ZNF304: variants seen among roughly 807,000 people sequenced by gnomAD.
ZNF304 encodes zinc finger protein 304.
In ZNF304, 7 loss-of-function variants were observed where a neutral mutation model predicts 7.8. That is an observed-to-expected ratio of 0.90 (90% confidence interval 0.51 to 1.69). The LOEUF (loss-of-function observed/expected upper bound fraction) is 1.69, where lower values mean the gene tolerates loss of function less well. Among genes scored for constraint, ZNF304 ranks in the 40% most tolerant of loss-of-function variants. The pLI is 0.00. For missense variants in ZNF304, 669 were observed against 804.8 expected (o/e 0.83, Z 2.04); for synonymous variants, 280 against 272.4 (o/e 1.03, Z -0.27).
Position 57,357,851 on chromosome 19 carries a change from A to G in ZNF304, c.*2A>G, listed in dbSNP as rs893461817. On this transcript the variant is annotated 3_prime_UTR_variant, in exon 3 of 3. Transcript: ENST00000282286. ...GCTGCATCTCTTAAACTTGTTTAAC[A>G]CCAGAAAATTCACACAAGAGAAAGG... is the stretch of plus-strand genomic sequence containing the variant. The G allele has an allele frequency of 6.3e-6, 10 of 1,580,850 alleles. No individual in the cohort carries two copies. The highest frequency in any genetic ancestry group is 1.2e-5 in the South Asian group (1 of 85,384).
At position 57,356,967 on chromosome 19, in the gene ZNF304, C is replaced by CG; in HGVS notation, c.1098_1099insG (p.Lys367GlufsTer7). 1 of 1,604,612 alleles carries CG rather than the reference C, an allele frequency of 6.2e-7. No individual in the cohort carries two copies. The highest frequency in any genetic ancestry group is 8.5e-7 in the Non-Finnish European group (1 of 1,172,674). On this transcript the variant is annotated frameshift_variant, in exon 3 of 3. Coordinates refer to ENST00000282286, the MANE Select transcript of ZNF304 (RefSeq NM_020657.4). LOFTEE classifies it low-confidence loss of function (END_TRUNC). ...CAGGAGAAAGGCCTTATAAGTGCAA[C>CG]AAATGTGGGAAAGCCTTTAGCCGTA...
intron 1 of ZNF304, 127 bp from the exon 2 acceptor site, chr19:57,353,598 T>C (rs1322014087): frequency 2.2e-6 from 3 of 1,346,426 alleles, no homozygotes; most frequent in Non-Finnish European, 2.0e-6. Context: ...AGGTCTGTTA[T>C]CTCCTCTTAG....
Position 57,359,133 on chromosome 19 carries a change from A to G in ZNF304, c.*1284A>G, listed in dbSNP as rs1209115298. 2 of 152,242 alleles carry G rather than the reference A, an allele frequency of 1.3e-5. No homozygotes were observed. The allele number at this position is 152,242 out of a possible 1,614,324, so 9.4% of individuals were successfully genotyped here. On this transcript the variant is annotated 3_prime_UTR_variant, in exon 3 of 3. Transcript: ENST00000282286. Reference sequence around the variant, plus strand: ...ATCTGTATCTCCTGTGGCCAAGGCCACTGTCAGAGGAAATAATCTAAATGT... The same window carrying G: ...ATCTGTATCTCCTGTGGCCAAGGCCGCTGTCAGAGGAAATAATCTAAATGT...
rs1171001779 is a variant in ZNF304, at chr19:57,356,722, G to A, written c.853G>A (p.Gly285Arg). 8.7e-6 allele frequency: 14 copies of A among 1,614,178 alleles called. No homozygotes were observed. Among genetic ancestry groups the A allele is most frequent in the Admixed American group, 1.7e-5 (1 of 60,020 alleles). The change falls in exon 3 of 3, where the codon GGA becomes AGA. Residue 285 changes from glycine to arginine, a missense_variant. By Grantham distance (125) the Gly-to-Arg change is moderately radical. Coordinates refer to ENST00000282286, the MANE Select transcript of ZNF304 (RefSeq NM_020657.4). The part of the protein sequence containing the change: ...GEISHVCKEC[G>R]KAFIHLHHLK... ...AATATCTCATGTGTGTAAGGAGTGTGGAAAAGCCTTCATTCACTTGCACCA... is the reference window on the plus strand; with the variant it reads ...AATATCTCATGTGTGTAAGGAGTGTAGAAAAGCCTTCATTCACTTGCACCA...
chr19:57,354,694 CA>C (rs1033744942), intron 2 of ZNF304, among the ~76,000 whole-genome samples: 1 of 152,200 alleles, frequency 6.6e-6, no homozygotes, highest in African/African-American at 2.4e-5. Context: ...GAGGCTTACA[CA>C]GGGGCAAGAG....
Position 57,357,889 on chromosome 19 carries a change from A to C in ZNF304, c.*40A>C. On this transcript the variant is annotated 3_prime_UTR_variant, in exon 3 of 3. Transcript: ENST00000282286. ...CACAAGAGAAAGGCCTTATGAATGCAGAAAATATGTCATCTTGTTCATCCT... is the reference window on the plus strand; with the variant it reads ...CACAAGAGAAAGGCCTTATGAATGCCGAAAATATGTCATCTTGTTCATCCT... 2 of 1,548,596 alleles carry C rather than the reference A, an allele frequency of 1.3e-6. No homozygotes were observed. Among genetic ancestry groups the C allele is most frequent in the Non-Finnish European group, 1.7e-6 (2 of 1,152,362 alleles).
In ZNF304 at chr19:57,358,246, C is replaced by A. The variant is rs780236398; in HGVS notation, c.*397C>A. 34 of 144,362 alleles carry A rather than the reference C, an allele frequency of 2.4e-4. No homozygotes were observed. The East Asian group carries it at 5.4e-3, about 23-fold the overall frequency. The allele number at this position is 144,362 out of a possible 1,614,324, so 8.9% of individuals were successfully genotyped here. On this transcript the variant is annotated 3_prime_UTR_variant, in exon 3 of 3. Coordinates refer to ENST00000282286, the MANE Select transcript of ZNF304 (RefSeq NM_020657.4). ...ATATTTTCAAGGACTTCCCCCCCCC[C>A]CCACTTCACCCCCTACCATTGAGGG...
chr19:57,356,235 T>C lies in ZNF304; in HGVS notation c.366T>C (p.Cys122=). The C allele has an allele frequency of 6.2e-7, 1 of 1,614,172 alleles. No individual in the cohort carries two copies. Among genetic ancestry groups the C allele is most frequent in the South Asian group, 1.1e-5 (1 of 91,082 alleles). Residue 122 remains cysteine (C), a synonymous_variant, in exon 3 of 3, where the codon TGT becomes TGC. Transcript: ENST00000282286. ...LTQKLCTRGL[C]RRRFSFSANF... ...AGAAACTGTGCACACGTGGGCTGTG[T>C]AGGAGAAGATTCTCGTTCAGTGCAA... is the stretch of plus-strand genomic sequence containing the variant.
rs2088272505 is a variant in ZNF304 at position 57,351,464 on chromosome 19, G to GGGGCA, written c.-197_-196insAGGGC. ...GCGGCCTCTCGCGGAGGTGTCTGCC[G>GGGGCA]GGGCTGGGCTCTTACCGAGGCCTCC... On this transcript the variant is annotated 5_prime_UTR_variant, in exon 1 of 3. It introduces an in-frame stop codon into an upstream open reading frame of the 5' UTR. Transcript: ENST00000282286. The surrounding 1 kb of genome is among the most constrained non-coding windows in gnomAD (Gnocchi z 4.1). 1 of 608,866 alleles carries GGGGCA rather than the reference G, an allele frequency of 1.6e-6. No homozygotes were observed. The highest frequency in any genetic ancestry group is 1.9e-5 in the African/African-American group (1 of 53,122). The allele number at this position is 608,866 out of a possible 1,614,324, so 37.7% of individuals were successfully genotyped here. A position where few individuals can be genotyped will look rare whatever the true frequency, so the allele number is the denominator to read the frequency against.
chr19:57,356,696 A>G lies in ZNF304; in HGVS notation c.827A>G (p.Glu276Gly). The G allele has an allele frequency of 1.9e-6, 3 of 1,614,250 alleles. No homozygotes were observed. The highest frequency in any genetic ancestry group is 2.5e-6 in the Non-Finnish European group (3 of 1,180,040). ...AATCACAGAAAAATCCACAGTGGAG[A>G]AATATCTCATGTGTGTAAGGAGTGT... is the stretch of plus-strand genomic sequence containing the variant. ...LINHRKIHSG[E>G]ISHVCKECGK... The change falls in exon 3 of 3, where the codon GAA (glutamate) becomes GGA (glycine). Residue 276 changes from glutamate to glycine, a missense_variant. Coordinates refer to ENST00000282286, the MANE Select transcript of ZNF304 (RefSeq NM_020657.4).
rs1447967510 is a variant in ZNF304, at chr19:57,351,297, A to C, written c.-368A>C. 2 of 267,228 alleles carry C rather than the reference A, an allele frequency of 7.5e-6. No homozygotes were observed. Among genetic ancestry groups the C allele is most frequent in the African/African-American group, 2.3e-5 (1 of 44,298 alleles). The allele number at this position is 267,228 out of a possible 1,614,324, so 16.6% of individuals were successfully genotyped here. On this transcript the variant is annotated 5_prime_UTR_variant, in exon 1 of 3. Coordinates refer to ENST00000282286, the MANE Select transcript of ZNF304 (RefSeq NM_020657.4). This position sits in a 1 kb window ranked among gnomAD's most constrained non-coding sequence, Gnocchi z 4.1. ...TATTTTTCCTATGCCCGGTCCGTGCATTCTGGTTGTGAAGGCTGAGTTCTA... is the reference window on the plus strand; with the variant it reads ...TATTTTTCCTATGCCCGGTCCGTGCCTTCTGGTTGTGAAGGCTGAGTTCTA...
chr19:57,359,291 T>G lies in ZNF304; in HGVS notation c.*1442T>G, dbSNP rs1402426588. On this transcript the variant is annotated 3_prime_UTR_variant, in exon 3 of 3. Coordinates refer to ENST00000282286, the MANE Select transcript of ZNF304 (RefSeq NM_020657.4). ...CGAGTGACTGAGGTGGATGTGGACA[T>G]CATTGCTTACCAATTTTTACCAACA... The G allele has an allele frequency of 2.6e-5, 4 of 152,218 alleles. No individual in the cohort carries two copies. The highest frequency in any genetic ancestry group is 5.9e-5 in the Non-Finnish European group (4 of 68,046). The allele number at this position is 152,218 out of a possible 1,614,324, so 9.4% of individuals were successfully genotyped here.
In ZNF304 at chr19:57,356,419, C is replaced by T; in HGVS notation, c.550C>T (p.Gln184Ter). The T allele has an allele frequency of 6.2e-7, 1 of 1,614,158 alleles. No homozygotes were observed. The highest frequency in any genetic ancestry group is 8.5e-7 in the Non-Finnish European group (1 of 1,180,026). Residue 184 changes from glutamine (Q) to a stop codon, truncating the protein, a stop_gained, in exon 3 of 3, where the codon CAG (glutamine) becomes TAG (stop). Transcript: ENST00000282286. LOFTEE classifies it low-confidence loss of function (END_TRUNC). ...CTTACCAGATAGCTCTGGCCTTTTC[C>T]AGCACCAGACCACTTACAATAGGGT... is the stretch of plus-strand genomic sequence containing the variant. The part of the protein sequence containing the change: ...MDLPDSSGLF[Q>*]HQTTYNRVSP...
rs541326443 is a variant in ZNF304 at position 57,359,847 on chromosome 19, A to G, written c.*1998A>G. ...ACTTAATTGTTATGGATGTTTGGGT[A>G]ACTTTCAGTTTTTGGCTATTACAAA... On this transcript the variant is annotated 3_prime_UTR_variant, in exon 3 of 3. Transcript: ENST00000282286. 38 of 152,310 alleles carry G rather than the reference A, an allele frequency of 2.5e-4. No homozygotes were observed. Among genetic ancestry groups the G allele is most frequent in the African/African-American group, 8.9e-4 (37 of 41,566 alleles). The allele number at this position is 152,310 out of a possible 1,614,324, so 9.4% of individuals were successfully genotyped here.
At position 57,356,451 on chromosome 19, in the gene ZNF304, A is replaced by G. The variant is rs150772657; in HGVS notation, c.582A>G (p.Pro194=). 1,078 of 1,614,202 alleles carry G rather than the reference A, an allele frequency of 6.7e-4. No homozygotes were observed. Among genetic ancestry groups the G allele is most frequent in the Non-Finnish European group, 7.0e-4 (826 of 1,180,042 alleles). Residue 194 remains proline (P), a synonymous_variant, in exon 3 of 3, where the codon CCA becomes CCG. Transcript: ENST00000282286. ...QHQTTYNRVS[P]CRRTECMESF... ...AGACCACTTACAATAGGGTGAGTCC[A>G]TGCAGAAGGACTGAATGCATGGAGT... is the stretch of plus-strand genomic sequence containing the variant.
intron 1 of ZNF304, among the ~76,000 whole-genome samples, chr19:57,352,288 C>T (rs1023704740): frequency 3.3e-5 from 5 of 152,192 alleles, no homozygotes; most frequent in African/African-American, 7.2e-5. Context: ...GGATTCTTCA[C>T]ATGACTGTCT....
At chr19:57,355,948 G>T in intron 2 of ZNF304, 82 bp from the exon 3 acceptor site, 2 of 1,470,868 alleles carry the variant, frequency 1.4e-6, no homozygotes, top group East Asian at 2.3e-5. Context: ...GACTCGCACT[G>T]GTGTTAGACA....
chr19:57,356,689 A>C lies in ZNF304; in HGVS notation c.820A>C (p.Ser274Arg). Residue 274 changes from serine to arginine, a missense_variant, in exon 3 of 3, where the codon AGT becomes CGT. Coordinates refer to ENST00000282286, the MANE Select transcript of ZNF304 (RefSeq NM_020657.4). Reference protein sequence around the residue: ...SALINHRKIHSGEISHVCKEC... With the variant: ...SALINHRKIHRGEISHVCKEC... The stretch of plus-strand genomic sequence containing the variant: ...TCTTATTAATCACAGAAAAATCCAC[A>C]GTGGAGAAATATCTCATGTGTGTAA... The C allele has an allele frequency of 6.2e-7, 1 of 1,614,246 alleles. No homozygotes were observed. The highest frequency in any genetic ancestry group is 8.5e-7 in the Non-Finnish European group (1 of 1,180,032).
chr19:57,352,450 C>A (rs527839584), intron 1 of ZNF304, among the ~76,000 whole-genome samples: 2 of 152,264 alleles, frequency 1.3e-5, no homozygotes, highest in South Asian at 2.1e-4. Context: ...GGAACAGGTA[C>A]GCTCAAATGC....
Sources: allele counts gnomAD v4.1 joint callset (sites outside exome capture counted in the v4.1 genomes callset), GRCh38; gene constraint gnomAD v4.1.1; non-coding constraint Gnocchi (gnomAD v3.1); transcripts MANE v1.5; gene names NCBI Gene and HGNC (gene_info 2026-07-23, HGNC 2026-07-21).